The following EPHX2 variants were observed in gnomAD, a reference collection of about 807,000 sequenced individuals.
EPHX2 encodes the protein bifunctional epoxide hydrolase 2.
A neutral mutation model predicts 78.7 loss-of-function variants in EPHX2; 74 were observed. That is an observed-to-expected ratio of 0.94 (90% CI 0.78 to 1.14). EPHX2 has a LOEUF of 1.14. EPHX2 is among the 50% of genes most tolerant of loss of function. EPHX2 has a pLI of 0.00. For missense variants in EPHX2, 715 were observed against 702.5 expected, an observed-to-expected ratio of 1.02 and a Z score of -0.20; for synonymous variants, 251 against 255.2, an observed-to-expected ratio of 0.98 and a Z score of 0.16.
Position 27,543,831 on chromosome 8 carries a change from T to G in EPHX2, c.1530+2T>G. The G allele has an allele frequency of 6.2e-7, 1 of 1,613,870 alleles. No homozygotes were observed. The highest frequency in any genetic ancestry group is 8.5e-7 in the Non-Finnish European group (1 of 1,179,948). On this transcript the variant is annotated splice_donor_variant, in intron 17 of 18. Coordinates refer to ENST00000521400, the MANE Select transcript of EPHX2 (RefSeq NM_001979.6). LOFTEE classifies it high-confidence loss of function. Reference sequence around the variant, plus strand: ...ATGTCCCAGCACATGGAGGACTGGGTGAGGGAATGGCCCTGTACAAGGGTC... The same window carrying G: ...ATGTCCCAGCACATGGAGGACTGGGGGAGGGAATGGCCCTGTACAAGGGTC...
At chr8:27,493,499 T>C (rs1031234840) in intron 1 of EPHX2, among the ~76,000 whole-genome samples, 1 of 152,130 alleles carries the variant, frequency 6.6e-6, no homozygotes, top group Non-Finnish European at 1.5e-5. Flanking sequence ...TTTGAGAGTG[T>C]ATGGTAGTAG....
chr8:27,528,508 C>T (rs1198830072), intron 12 of EPHX2, among the ~76,000 whole-genome samples: 1 of 152,156 alleles, frequency 6.6e-6, no homozygotes, highest in East Asian at 1.9e-4. Flanking sequence ...TCCTCATCTG[C>T]AAAAGGTTGG....
downstream of EPHX2, among the ~76,000 whole-genome samples, chr8:27,547,913 A>G (rs1815601337): frequency 6.6e-6 from 1 of 152,178 alleles, no homozygotes; most frequent in South Asian, 2.1e-4. Context: ...CTGAATAGTA[A>G]AAATATGTTA....
intron 8 of EPHX2, 75 bp downstream of exon 8, chr8:27,516,473 T>C: frequency 2.2e-6 from 3 of 1,370,976 alleles, no homozygotes; most frequent in Non-Finnish European, 3.1e-6. Flanking sequence ...GCCTCGGTGC[T>C]TTCCCTGGTC....
intron 3 of EPHX2, among the ~76,000 whole-genome samples, chr8:27,504,575 G>A (rs933906472): frequency 1.3e-5 from 2 of 152,194 alleles, no homozygotes; most frequent in East Asian, 1.9e-4. Context: ...TGGGCAGCTC[G>A]TAACTTGTCT....
chr8:27,512,945 G>T (rs1814307234), intron 6 of EPHX2, among the ~76,000 whole-genome samples: 1 of 152,216 alleles, frequency 6.6e-6, no homozygotes, highest in African/African-American at 2.4e-5. Context: ...AACAGCAGCT[G>T]ACAAACAGGA....
intron 12 of EPHX2, 45 bp downstream of exon 12, chr8:27,525,518 C>A: frequency 6.8e-7 from 1 of 1,475,922 alleles, no homozygotes; most frequent in Non-Finnish European, 9.5e-7. Flanking sequence ...TAGTGTTTGC[C>A]TTTCCCCTTC....
intron 17 of EPHX2, 40 bp downstream of exon 17, chr8:27,543,869 C>T (rs781244222): frequency 1.1e-5 from 18 of 1,601,302 alleles, no homozygotes; most frequent in African/African-American, 5.4e-5. Flanking sequence ...CAGTGCACCC[C>T]GGGAGAGGGC....
Position 27,511,845 on chromosome 8 carries a change from A to G in EPHX2, c.670A>G (p.Thr224Ala). Residue 224 changes from threonine to alanine, a missense_variant, in exon 6 of 19, where the codon ACC (threonine) becomes GCC (alanine). By Grantham distance (58) the Thr-to-Ala change is moderately conservative. Coordinates refer to ENST00000521400, the MANE Select transcript of EPHX2 (RefSeq NM_001979.6). ...EKVTGIQLLN[T>A]PAPLPTSCNP... ...CCTTTCCTGCTTACAGCTTCTCAAT[A>G]CCCCGGCCCCTCTGCCGACCTCTTG... 2 of 1,613,862 alleles carry G rather than the reference A, an allele frequency of 1.2e-6. No individual in the cohort carries two copies.
chr8:27,542,507 G>A (rs888401494), intron 16 of EPHX2, among the ~76,000 whole-genome samples: 1 of 152,126 alleles, frequency 6.6e-6, no homozygotes, highest in African/African-American at 2.4e-5. Flanking sequence ...AGTGTTCCTT[G>A]TCATTATCAT....
intron 9 of EPHX2, among the ~76,000 whole-genome samples, chr8:27,520,032 G>A (rs368826043): frequency 6.6e-6 from 1 of 150,616 alleles, no homozygotes; most frequent in Non-Finnish European, 1.5e-5. Flanking sequence ...ATAAGCAACA[G>A]GGTCTCCTTA....
chr8:27,519,772 C>T (rs557306088), intron 9 of EPHX2, among the ~76,000 whole-genome samples: 182 of 152,300 alleles, frequency 1.2e-3, no homozygotes, highest in African/African-American at 4.2e-3. Flanking sequence ...TCTCGGCCTC[C>T]GGTGCCAGCA....
intron 14 of EPHX2, 127 bp downstream of exon 14, chr8:27,538,819 G>T (rs1476507951): frequency 2.8e-6 from 3 of 1,059,222 alleles, no homozygotes. Flanking sequence ...GCCCAACCAG[G>T]GTCCCCTCGG....
At chr8:27,521,944 T>C (rs1814661894) in intron 10 of EPHX2, among the ~76,000 whole-genome samples, 1 of 152,052 alleles carries the variant, frequency 6.6e-6, no homozygotes, top group African/African-American at 2.4e-5. Flanking sequence ...TAAAGGGGAG[T>C]TGACGTTGTC....
Position 27,544,855 on chromosome 8 carries a change from C to T in EPHX2, c.*333C>T, listed in dbSNP as rs1043639730. ...TGCATAGTTTGGCAGAAAAATCAGC[C>T]GTTCATTTAGAAGAATCTTAGCAGA... On this transcript the variant is annotated 3_prime_UTR_variant, in exon 19 of 19. Coordinates refer to ENST00000521400, the MANE Select transcript of EPHX2 (RefSeq NM_001979.6). 14 of 301,974 alleles carry T rather than the reference C, an allele frequency of 4.6e-5. No individual in the cohort carries two copies. The highest frequency in any genetic ancestry group is 2.8e-4 in the African/African-American group (13 of 46,574). 18.7% of individuals were successfully genotyped at this position (301,974 alleles called of 1,614,324 possible). A position where few individuals can be genotyped will look rare whatever the true frequency, so the allele number is the denominator to read the frequency against.
rs1813761423 is a variant in EPHX2, at chr8:27,501,324, T to TTC, written c.186+315_186+316insCT. On this transcript the variant is annotated intron_variant, in intron 2 of 18. Coordinates refer to ENST00000521400, the MANE Select transcript of EPHX2 (RefSeq NM_001979.6). The stretch of plus-strand genomic sequence containing the variant: ...TAAGAAAGAGGGAAATGCTATATAT[T>TTC]TTCTTCTTCTTCTTCTTCTTCTTCT... 4.6e-4 allele frequency among the ~76,000 whole-genome samples: 47 copies of TTC among 103,012 alleles called. 1 individual carries two copies. The South Asian group carries it at 7.4e-3, about 16-fold the overall frequency. 67.6% of individuals were successfully genotyped at this position (103,012 alleles called of 152,430 possible).
At chr8:27,522,614 G>A in intron 11 of EPHX2, 106 bp downstream of exon 11, 2 of 1,120,664 alleles carry the variant, frequency 1.8e-6, no homozygotes, top group South Asian at 2.8e-5. Context: ...AAAACAAGTA[G>A]GTAGTCTGGG....
chr8:27,502,605 T>C (rs1206149895), intron 2 of EPHX2, among the ~76,000 whole-genome samples: 1 of 152,132 alleles, frequency 6.6e-6, no homozygotes, highest in Non-Finnish European at 1.5e-5. Flanking sequence ...GGCTCTCTTC[T>C]TGGTTTGCAG....
chr8:27,510,278 C>T (rs1257616262), intron 5 of EPHX2, among the ~76,000 whole-genome samples: 2 of 152,208 alleles, frequency 1.3e-5, no homozygotes, highest in Non-Finnish European at 1.5e-5. Flanking sequence ...GGATTCACAG[C>T]GTGTCCAGCA....
Sources: gnomAD v4.1 joint callset for allele counts (sites outside exome capture counted in the v4.1 genomes callset) on GRCh38, gnomAD v4.1.1 for gene constraint, MANE v1.5 for transcripts, NCBI Gene and HGNC (gene_info 2026-07-23, HGNC 2026-07-21) for gene names.